Variants in CACNA1E observed in about 807,000 individuals in gnomAD.
The protein encoded by CACNA1E is voltage-dependent R-type calcium channel subunit alpha-1E.
CACNA1E carries 40 observed loss-of-function variants against 259.2 expected under a neutral mutation model. That is an observed-to-expected ratio of 0.15 (90% CI 0.12 to 0.20). CACNA1E has a LOEUF of 0.20. CACNA1E is among the 10% of genes least tolerant of loss of function. The probability of loss-of-function intolerance (pLI) is 1.00; values close to 1 mark genes in which losing one functional copy is unlikely to be tolerated. For missense variants in CACNA1E, 1,874 were observed against 3,040.1 expected (o/e 0.62, Z 9.02); for synonymous variants, 1,104 against 1,138.5 (o/e 0.97, Z 0.61).
intron 22 of CACNA1E, 108 bp from the exon 23 acceptor site, chr1:181,737,417 C>G (rs1341846663): frequency 1.1e-5 from 15 of 1,342,024 alleles, no homozygotes; most frequent in Non-Finnish European, 1.5e-5. Context: ...CTTCCTTTGG[C>G]AAGGGCCTGG....
At chr1:181,497,113 C>T (rs1256181669) in intron 1 of CACNA1E, among the ~76,000 whole-genome samples, 2 of 152,108 alleles carry the variant, frequency 1.3e-5, no homozygotes, top group Non-Finnish European at 1.5e-5. Flanking sequence ...CCATCTGCCC[C>T]ACCACCTCCC....
chr1:181,759,271 G>A (rs1572821480), intron 32 of CACNA1E, among the ~76,000 whole-genome samples: 1 of 152,142 alleles, frequency 6.6e-6, no homozygotes, highest in Non-Finnish European at 1.5e-5. Flanking sequence ...CTCAAACATA[G>A]CAAATAATAG....
intron 6 of CACNA1E, among the ~76,000 whole-genome samples, chr1:181,585,013 C>T (rs1254743835): frequency 1.3e-5 from 2 of 148,508 alleles, no homozygotes; most frequent in Non-Finnish European, 3.0e-5. Flanking sequence ...TAAACTGGTC[C>T]CCCCCCCTGC....
At chr1:181,470,082 C>T (rs553973000) in intron 2 of CACNA1E, among the ~76,000 whole-genome samples, 3 of 150,372 alleles carry the variant, frequency 2.0e-5, no homozygotes, top group Non-Finnish European at 3.0e-5. Flanking sequence ...AGAGAGAGAG[C>T]GTGAGAGAAA....
At chr1:181,406,308 G>C (rs1657456889) in intron 1 of CACNA1E, among the ~76,000 whole-genome samples, 1 of 152,186 alleles carries the variant, frequency 6.6e-6, no homozygotes, top group Non-Finnish European at 1.5e-5. Flanking sequence ...AAAAATGGTA[G>C]CTAATATTTA....
intron 43 of CACNA1E, among the ~76,000 whole-genome samples, chr1:181,787,879 A>T (rs934731865): frequency 2.6e-5 from 4 of 152,202 alleles, no homozygotes; most frequent in Non-Finnish European, 5.9e-5. Flanking sequence ...GGGATGTGTT[A>T]AGTTATGGAT....
intron 1 of CACNA1E, among the ~76,000 whole-genome samples, chr1:181,397,513 C>T (rs1300781283): frequency 2.0e-5 from 3 of 152,134 alleles, no homozygotes; most frequent in Non-Finnish European, 4.4e-5. Context: ...GTTGGCCAGG[C>T]TGGTCTCGAA....
intron 34 of CACNA1E, 34 bp from the exon 35 acceptor site, chr1:181,766,512 T>C: frequency 6.4e-7 from 1 of 1,557,002 alleles, no homozygotes; most frequent in Non-Finnish European, 8.9e-7. Flanking sequence ...GCTGCTTTTC[T>C]TTGATTAACG....
chr1:181,395,094 T>C (rs1656572980), intron 1 of CACNA1E, among the ~76,000 whole-genome samples: 2 of 152,136 alleles, frequency 1.3e-5, no homozygotes, highest in Admixed American at 1.3e-4. Context: ...AGGGTGGAAA[T>C]AGGGAGACCA....
chr1:181,688,303 G>A (rs1030768993), intron 7 of CACNA1E, among the ~76,000 whole-genome samples: 1 of 152,184 alleles, frequency 6.6e-6, no homozygotes, highest in African/African-American at 2.4e-5. Flanking sequence ...TACAGTGTAT[G>A]TTTTTATAGA....
intron 3 of CACNA1E, 26 bp downstream of exon 3, chr1:181,511,536 G>A: frequency 6.2e-7 from 1 of 1,607,198 alleles, no homozygotes; most frequent in Non-Finnish European, 8.5e-7. Flanking sequence ...CTCTCTGTCT[G>A]TGTGTGTGTA....
chr1:181,734,960 C>T (rs912331325), intron 21 of CACNA1E, among the ~76,000 whole-genome samples: 1 of 152,252 alleles, frequency 6.6e-6, no homozygotes, highest in South Asian at 2.1e-4. Flanking sequence ...TTAATCCCAC[C>T]TGCTGCCCCG....
chr1:181,502,104 G>A (rs780227575), intron 1 of CACNA1E, among the ~76,000 whole-genome samples: 1 of 152,012 alleles, frequency 6.6e-6, no homozygotes. Flanking sequence ...GGGATGGGAG[G>A]GGTATGCAGG....
intron 1 of CACNA1E, among the ~76,000 whole-genome samples, chr1:181,396,656 T>C (rs368821120): frequency 1.4e-3 from 217 of 152,254 alleles, no homozygotes; most frequent in Admixed American, 4.2e-3. Context: ...AGTGAAAAAT[T>C]GATGACGCAG....
intron 38 of CACNA1E, among the ~76,000 whole-genome samples, chr1:181,780,990 T>C (rs1660379639): frequency 6.6e-6 from 1 of 152,186 alleles, no homozygotes; most frequent in East Asian, 1.9e-4. Context: ...CTATCCGGTT[T>C]ATACCACTCA....
Position 181,752,236 on chromosome 1 carries a change from C to G in CACNA1E, c.3825C>G (p.Leu1275=), listed in dbSNP as rs1657657952. Residue 1275 remains leucine, a synonymous_variant, in exon 27 of 48, where the codon CTC becomes CTG. Coordinates refer to ENST00000367573, the MANE Select transcript of CACNA1E (RefSeq NM_001205293.3). ...PLKTIKRLPK[L]KAVFDCVVTS... Reference sequence around the variant, plus strand: ...AAACCATCAAGCGCTTGCCCAAGCTCAAGGTAGTGTTTACAGAGTTTGTTC... The same window carrying G: ...AAACCATCAAGCGCTTGCCCAAGCTGAAGGTAGTGTTTACAGAGTTTGTTC... The G allele has an allele frequency of 3.1e-6, 5 of 1,609,806 alleles. No homozygotes were observed. Among genetic ancestry groups the G allele is most frequent in the Non-Finnish European group, 3.4e-6 (4 of 1,176,160 alleles).
At chr1:181,547,555 A>G (rs1271461363) in intron 3 of CACNA1E, among the ~76,000 whole-genome samples, 1 of 152,170 alleles carries the variant, frequency 6.6e-6, no homozygotes, top group Non-Finnish European at 1.5e-5. Flanking sequence ...CACTGACTAC[A>G]CACTAGGTTA....
chr1:181,424,784 C>T (rs1022992898), intron 2 of CACNA1E, among the ~76,000 whole-genome samples: 1 of 152,158 alleles, frequency 6.6e-6, no homozygotes, highest in African/African-American at 2.4e-5. Flanking sequence ...GGGGAGGACT[C>T]TCCCCCAAGA....
intron 3 of CACNA1E, among the ~76,000 whole-genome samples, chr1:181,530,538 T>C (rs1667704681): frequency 6.6e-6 from 1 of 152,182 alleles, no homozygotes. Flanking sequence ...ATCCTGGTAG[T>C]GGTCCTTATT....
Sources: gnomAD v4.1 joint callset for allele counts (sites outside exome capture counted in the v4.1 genomes callset) on GRCh38, gnomAD v4.1.1 for gene constraint, MANE v1.5 for transcripts, NCBI Gene and HGNC (gene_info 2026-07-23, HGNC 2026-07-21) for gene names.